Variants in PCDHA10 observed in about 807,000 individuals in gnomAD.
The protein encoded by PCDHA10 is protocadherin alpha 10.
Under a neutral mutation model 61.2 loss-of-function variants are expected in PCDHA10, and 45 were observed. The observed-to-expected ratio is 0.74, with a 90% CI of 0.58 to 0.94. PCDHA10 has a LOEUF of 0.94. PCDHA10 is among the 40% of genes least tolerant of loss of function. The pLI is 0.00. For missense variants in PCDHA10, 1,278 were observed against 1,236.2 expected, an observed-to-expected ratio of 1.03 and a Z score of -0.51; for synonymous variants, 602 against 548.8, an observed-to-expected ratio of 1.10 and a Z score of -1.35.
intron 1 of PCDHA10, among the ~76,000 whole-genome samples, chr5:140,924,409 T>C (rs1554201915): frequency 6.6e-6 from 1 of 152,186 alleles, no homozygotes; most frequent in Non-Finnish European, 1.5e-5. Flanking sequence ...TATATCACAG[T>C]GTGCCCTTTC....
chr5:140,955,001 A>G (rs551398126), intron 1 of PCDHA10, among the ~76,000 whole-genome samples: 101 of 152,200 alleles, frequency 6.6e-4, no homozygotes, highest in Middle Eastern at 6.8e-3. Flanking sequence ...TGGCTAGCCA[A>G]TTCTCCCAGC....
intron 1 of PCDHA10, among the ~76,000 whole-genome samples, chr5:140,941,977 A>G (rs1247578104): frequency 6.6e-6 from 1 of 152,154 alleles, no homozygotes; most frequent in Admixed American, 6.5e-5. Context: ...CTTTCCCTAA[A>G]CCTTGATAAG....
rs782403008 is a variant in PCDHA10 at position 140,877,235 on chromosome 5, G to A, written c.2388+18799G>A. ...TTGGTACCGCGGTCGGTGGGTGCGGGCCACGTGGTGGCGAAAGTGCGCGCG... is the reference window on the plus strand; with the variant it reads ...TTGGTACCGCGGTCGGTGGGTGCGGACCACGTGGTGGCGAAAGTGCGCGCG... On this transcript the variant is annotated intron_variant, in intron 1 of 3. Transcript: ENST00000307360. 49 of 1,613,570 alleles carry A rather than the reference G, an allele frequency of 3.0e-5. No homozygotes were observed. In the South Asian group the frequency reaches 5.1e-4, roughly 17 times the overall value.
chr5:140,883,862 C>T (rs1467289225), intron 1 of PCDHA10: 3 of 1,613,000 alleles, frequency 1.9e-6, no homozygotes, highest in Non-Finnish European at 1.7e-6. Flanking sequence ...GGAGCTGTTG[C>T]AGTTCCAGGT....
In PCDHA10 at chr5:140,858,451, T is replaced by C; in HGVS notation, c.2388+15T>C. 1 of 1,531,552 alleles carries C rather than the reference T, an allele frequency of 6.5e-7. No individual in the cohort carries two copies. The highest frequency in any genetic ancestry group is 2.4e-5 in the East Asian group (1 of 41,228). 94.9% of individuals were successfully genotyped at this position (1,531,552 alleles called of 1,614,324 possible). ...ACTCTAGGAAGGTGGGTTATTACGT[T>C]TTCATTTTCCTTTTGTGCTTTATGA... On this transcript the variant is annotated intron_variant, in intron 1 of 3. Coordinates refer to ENST00000307360, the MANE Select transcript of PCDHA10 (RefSeq NM_018901.4).
chr5:140,871,468 G>A lies in PCDHA10; in HGVS notation c.2388+13032G>A, dbSNP rs781821721. 4 of 1,602,054 alleles carry A rather than the reference G, an allele frequency of 2.5e-6. No individual in the cohort carries two copies. In the Admixed American group the frequency reaches 5.2e-5, roughly 21 times the overall value. On this transcript the variant is annotated intron_variant, in intron 1 of 3. Transcript: ENST00000307360. Reference sequence around the variant, plus strand: ...TAAAGAGGAGGAAGGGGAAAGACAGGAGCCAGGGTCAAATCACCCCGGACA... The same window carrying A: ...TAAAGAGGAGGAAGGGGAAAGACAGAAGCCAGGGTCAAATCACCCCGGACA...
At position 140,953,880 on chromosome 5, in the gene PCDHA10, C is replaced by T. The variant is rs56350351; in HGVS notation, c.2389-25069C>T. On this transcript the variant is annotated intron_variant, in intron 1 of 3. Coordinates refer to ENST00000307360, the MANE Select transcript of PCDHA10 (RefSeq NM_018901.4). ...TGGTGGTTTGCTGCACAGATCAACCCATCACCTAGGTATTAAGCCCAGCAT... is the reference window on the plus strand; with the variant it reads ...TGGTGGTTTGCTGCACAGATCAACCTATCACCTAGGTATTAAGCCCAGCAT... Among the ~76,000 whole-genome samples, 609 of 152,246 alleles carry T rather than the reference C, an allele frequency of 4.0e-3. 7 individuals are homozygous for T. Among genetic ancestry groups the T allele is most frequent in the African/African-American group, 0.014 (577 of 41,548 alleles).
intron 1 of PCDHA10, among the ~76,000 whole-genome samples, chr5:140,892,469 A>G (rs557049666): frequency 1.3e-5 from 2 of 152,302 alleles, no homozygotes; most frequent in South Asian, 4.1e-4. Context: ...ACGGTTATTC[A>G]GTTTCCTAGC....
intron 1 of PCDHA10, among the ~76,000 whole-genome samples, chr5:140,873,090 T>G (rs540850056): frequency 6.6e-6 from 1 of 152,198 alleles, no homozygotes; most frequent in Non-Finnish European, 1.5e-5. Context: ...CCCCCCCGTA[T>G]AGAGGCATAA....
At chr5:140,909,428 G>A (rs2074488610) in intron 1 of PCDHA10, among the ~76,000 whole-genome samples, 1 of 152,150 alleles carries the variant, frequency 6.6e-6, no homozygotes, top group African/African-American at 2.4e-5. Context: ...TTAAACTTAT[G>A]ATAATCCACT....
At chr5:140,968,017 C>A in intron 1 of PCDHA10, 1 of 1,614,216 alleles carries the variant, frequency 6.2e-7, no homozygotes, top group South Asian at 1.1e-5. Flanking sequence ...GCTTTGGAAA[C>A]TCCTATACAC....
chr5:140,860,946 C>A (rs1196605227), intron 1 of PCDHA10: 8 of 152,212 alleles, frequency 5.3e-5, no homozygotes, highest in African/African-American at 1.9e-4. Context: ...ACCGTGTTAG[C>A]CAGGATGGTC....
intron 1 of PCDHA10, among the ~76,000 whole-genome samples, chr5:140,920,418 G>C (rs1355987486): frequency 6.6e-6 from 1 of 151,868 alleles, no homozygotes; most frequent in Non-Finnish European, 1.5e-5. Flanking sequence ...AGATACAGCT[G>C]TTCTCCCACA....
At chr5:140,864,740 C>G (rs2048582672) in intron 1 of PCDHA10, 1 of 152,028 alleles carries the variant, frequency 6.6e-6, no homozygotes, top group African/African-American at 2.4e-5. Context: ...TCTTTGAGCA[C>G]CGATTATACT....
chr5:140,956,464 A>C (rs1340273443), intron 1 of PCDHA10, among the ~76,000 whole-genome samples: 1 of 152,148 alleles, frequency 6.6e-6, no homozygotes, highest in Admixed American at 6.6e-5. Flanking sequence ...ATTGATTTGC[A>C]TATGTTGAAC....
chr5:140,869,506 C>G (rs782699561), intron 1 of PCDHA10: 20 of 1,614,178 alleles, frequency 1.2e-5, no homozygotes, highest in Admixed American at 6.7e-5. Context: ...GGTGTTCTCG[C>G]TCAGAGAACA....
intron 1 of PCDHA10, among the ~76,000 whole-genome samples, chr5:140,900,805 G>C (rs1554189444): frequency 6.6e-6 from 1 of 152,118 alleles, no homozygotes; most frequent in Non-Finnish European, 1.5e-5. Context: ...CATAGTGCTT[G>C]TACTAATTTA....
intron 1 of PCDHA10, chr5:140,881,999 A>C: frequency 2.1e-6 from 1 of 471,262 alleles, no homozygotes. Context: ...AGGAAATGCA[A>C]GGGGCAAAAA....
chr5:140,967,520 G>A, intron 1 of PCDHA10: 1 of 1,612,918 alleles, frequency 6.2e-7, no homozygotes, highest in East Asian at 2.2e-5. Context: ...GGACACTAAC[G>A]ACAACTCTCC....
Sources: gnomAD v4.1 joint callset for allele counts (sites outside exome capture counted in the v4.1 genomes callset) on GRCh38, gnomAD v4.1.1 for gene constraint, MANE v1.5 for transcripts, NCBI Gene and HGNC (gene_info 2026-07-23, HGNC 2026-07-21) for gene names.